ARL13B: variants seen among roughly 807,000 people sequenced by gnomAD.
ARL13B encodes the protein ARF like GTPase 13B, also known as ADP-ribosylation factor-like protein 13B.
In ARL13B, 36 loss-of-function variants were observed where a neutral mutation model predicts 56.1. The ratio of observed to expected loss-of-function variants is 0.64; its 90% CI spans 0.49 to 0.85. ARL13B has a LOEUF of 0.85. Among genes scored for constraint, ARL13B ranks in the 40% least tolerant of loss-of-function variants. The pLI, the probability that ARL13B is intolerant of heterozygous loss-of-function variation, is 0.00. For missense variants in ARL13B, 519 were observed against 507.1 expected (o/e 1.02, Z -0.23); for synonymous variants, 178 against 171.1 (o/e 1.04, Z -0.32).
At chr3:94,020,204 A>G (rs758349734) in intron 3 of ARL13B, among the ~76,000 whole-genome samples, 65 of 152,260 alleles carry the variant, frequency 4.3e-4, no homozygotes, top group African/African-American at 1.4e-3. Flanking sequence ...GATGAGTCTT[A>G]TATTTACTTG....
Position 94,043,226 on chromosome 3 carries a change from C to T in ARL13B, c.1010C>T (p.Pro337Leu), listed in dbSNP as rs1191334666. 4 of 1,612,482 alleles carry T rather than the reference C, an allele frequency of 2.5e-6. No individual in the cohort carries two copies. In the Admixed American group the frequency reaches 5.0e-5, roughly 20 times the overall value. ...AAGAATGAAGATGAGACAGACCGGC[C>T]ATCATTGGAATCAGGTAATAAATCT... ...QLKNEDETDR[P>L]SLESANGKKK... The change falls in exon 7 of 10, where the codon CCA becomes CTA. Residue 337 changes from proline (P) to leucine (L), a missense_variant. By Grantham distance (98) the Pro-to-Leu change is moderately conservative. Transcript: ENST00000394222.
Position 93,999,769 on chromosome 3 carries a change from T to C in ARL13B, c.130+3825T>C, listed in dbSNP as rs1480245741. 2.6e-5 allele frequency among the ~76,000 whole-genome samples: 4 copies of C among 152,224 alleles called. No homozygotes were observed. In the East Asian group the frequency reaches 7.7e-4, roughly 29 times the overall value. ...TTCTCTTCTTCATGGTTGTCAGTAA[T>C]TGCATTAGTTGGACACAGGTTCAAT... On this transcript the variant is annotated intron_variant, in intron 2 of 9. Transcript: ENST00000394222.
chr3:94,005,002 G>C (rs1015752679), intron 3 of ARL13B, among the ~76,000 whole-genome samples: 2 of 151,986 alleles, frequency 1.3e-5, no homozygotes, highest in African/African-American at 2.4e-5. Flanking sequence ...ATGGTTATTT[G>C]TAAAACAATA....
chr3:94,032,338 A>G (rs1179928897), intron 3 of ARL13B, among the ~76,000 whole-genome samples: 1 of 152,250 alleles, frequency 6.6e-6, no homozygotes, highest in African/African-American at 2.4e-5. Context: ...GCAGATTAAA[A>G]CCACAATGAA....
chr3:94,011,612 C>T lies in ARL13B; in HGVS notation c.380+7704C>T, dbSNP rs140857522. On this transcript the variant is annotated intron_variant, in intron 3 of 9. Coordinates refer to ENST00000394222, the MANE Select transcript of ARL13B (RefSeq NM_001174150.2). ...TGGAAGAAGGGTTTCTCTTTCTACC[C>T]AAGTCCAGCTTCTGCATTTGTGCTT... Among the ~76,000 whole-genome samples, 166 of 152,208 alleles carry T rather than the reference C, an allele frequency of 1.1e-3. No individual in the cohort carries two copies. In the East Asian group the frequency reaches 0.024, roughly 22 times the overall value.
intron 6 of ARL13B, among the ~76,000 whole-genome samples, chr3:94,041,370 T>C (rs1400602675): frequency 2.0e-5 from 3 of 152,174 alleles, no homozygotes; most frequent in African/African-American, 7.2e-5. Flanking sequence ...AGGAAAATTA[T>C]TGAATATTGT....
chr3:94,011,234 A>G (rs1170377286), intron 3 of ARL13B, among the ~76,000 whole-genome samples: 4 of 152,024 alleles, frequency 2.6e-5, no homozygotes, highest in Admixed American at 1.3e-4. Flanking sequence ...GTACCTGGAA[A>G]AGCCACTGTC....
At chr3:94,042,955 C>A in intron 6 of ARL13B, 60 bp from the exon 7 acceptor site, 1 of 1,409,080 alleles carries the variant, frequency 7.1e-7, no homozygotes, top group Non-Finnish European at 9.7e-7. Flanking sequence ...TTTCCTCTCC[C>A]TTAAAACTAT....
chr3:94,003,446 G>T (rs1293845426), intron 2 of ARL13B, among the ~76,000 whole-genome samples: 1 of 152,152 alleles, frequency 6.6e-6, no homozygotes, highest in East Asian at 1.9e-4. Context: ...AGGTGTGGGT[G>T]TTATATCAGG....
At chr3:94,044,638 C>T (rs865968871) in intron 7 of ARL13B, among the ~76,000 whole-genome samples, 1 of 145,152 alleles carries the variant, frequency 6.9e-6, no homozygotes, top group South Asian at 2.2e-4. Flanking sequence ...TGGGGAGCGC[C>T]TCTGCCCGGC....
chr3:93,990,027 C>T (rs1282929389), intron 1 of ARL13B, among the ~76,000 whole-genome samples: 5 of 151,742 alleles, frequency 3.3e-5, no homozygotes, highest in African/African-American at 4.9e-5. Flanking sequence ...TTGTTTGAGA[C>T]GAAGTCTCCC....
chr3:94,009,364 C>T lies in ARL13B; in HGVS notation c.380+5456C>T, dbSNP rs992321078. ...TTCCAACCTTTATATGCTTATTTGA[C>T]TCACCTTCCTTCTAGGCAGTATTAC... On this transcript the variant is annotated intron_variant, in intron 3 of 9. Coordinates refer to ENST00000394222, the MANE Select transcript of ARL13B (RefSeq NM_001174150.2). 2.6e-5 allele frequency among the ~76,000 whole-genome samples: 4 copies of T among 151,604 alleles called. No homozygotes were observed. The South Asian group carries it at 8.3e-4, about 32-fold the overall frequency.
chr3:94,002,135 A>G (rs183488385), intron 2 of ARL13B, among the ~76,000 whole-genome samples: 2 of 152,334 alleles, frequency 1.3e-5, no homozygotes, highest in East Asian at 1.9e-4. Flanking sequence ...GTTTTGCTAA[A>G]TGTGGAAATA....
intron 1 of ARL13B, among the ~76,000 whole-genome samples, chr3:93,985,617 AG>A (rs1442784542): frequency 6.6e-6 from 1 of 152,222 alleles, no homozygotes; most frequent in African/African-American, 2.4e-5. Context: ...TTAACCAAAA[AG>A]AAAGATATAA....
At chr3:94,032,414 C>T (rs887882990) in intron 3 of ARL13B, among the ~76,000 whole-genome samples, 2 of 152,138 alleles carry the variant, frequency 1.3e-5, no homozygotes, top group East Asian at 1.9e-4. Flanking sequence ...CAGATGTCTG[C>T]GAGATTGTGT....
At chr3:94,045,183 T>G (rs1232685933) in intron 7 of ARL13B, among the ~76,000 whole-genome samples, 1 of 152,074 alleles carries the variant, frequency 6.6e-6, no homozygotes, top group Non-Finnish European at 1.5e-5. Flanking sequence ...CTGTGTCAAC[T>G]CAGGGTTAAA....
chr3:94,019,775 C>G (rs1187807325), intron 3 of ARL13B, among the ~76,000 whole-genome samples: 1 of 152,190 alleles, frequency 6.6e-6, no homozygotes, highest in African/African-American at 2.4e-5. Context: ...TACAACTCTC[C>G]CTTTCTCTGC....
At chr3:93,982,565 CTTTT>C (rs769421239) in intron 1 of ARL13B, among the ~76,000 whole-genome samples, 2 of 151,966 alleles carry the variant, frequency 1.3e-5, no homozygotes, top group Admixed American at 6.6e-5. Context: ...TTAGAATTAA[CTTTT>C]TTTTACTTTT....
Position 94,029,333 on chromosome 3 carries a change from TATTTA to T in ARL13B, c.381-5997_381-5993del, listed in dbSNP as rs1396746160. On this transcript the variant is annotated intron_variant, in intron 3 of 9. Coordinates refer to ENST00000394222, the MANE Select transcript of ARL13B (RefSeq NM_001174150.2). The stretch of plus-strand genomic sequence containing the variant: ...ATATATATATATATATATATATATA[TATTTA>T]TTTTTTTTTTATTTTTTTTTTTTTT... Among the ~76,000 whole-genome samples the T allele has an allele frequency of 7.1e-3, 522 of 73,874 alleles. 7 individuals are homozygous for T. Among genetic ancestry groups the T allele is most frequent in the African/African-American group, 0.017 (277 of 16,620 alleles). The allele number at this position is 73,874 out of a possible 152,430, so 48.5% of individuals were successfully genotyped here. A position where few individuals can be genotyped will look rare whatever the true frequency, so the allele number is the denominator to read the frequency against.
Sources: gnomAD v4.1 joint callset for allele counts (sites outside exome capture counted in the v4.1 genomes callset) on GRCh38, gnomAD v4.1.1 for gene constraint, MANE v1.5 for transcripts, NCBI Gene and HGNC (gene_info 2026-07-23, HGNC 2026-07-21) for gene names.